REPS1: variants seen among roughly 807,000 people sequenced by gnomAD.
The protein encoded by REPS1 is RALBP1 associated Eps domain containing 1, also known as ralBP1-associated Eps domain-containing protein 1.
Under a neutral mutation model 100.9 loss-of-function variants are expected in REPS1, and 39 were observed. The ratio of observed to expected loss-of-function variants is 0.39; its 90% CI spans 0.30 to 0.50. The LOEUF is 0.50. Ranked by LOEUF, REPS1 falls within the 20% of genes least tolerant of loss-of-function variation. The probability of loss-of-function intolerance (pLI) is 0.86; values close to 1 mark genes in which losing one functional copy is unlikely to be tolerated. For synonymous variants in REPS1, 324 were observed against 340.3 expected, an observed-to-expected ratio of 0.95 and a Z score of 0.53; for missense variants, 821 against 968.5, an observed-to-expected ratio of 0.85 and a Z score of 2.02.
intron 15 of REPS1, among the ~76,000 whole-genome samples, chr6:138,913,291 C>T (rs1023377803): frequency 6.6e-6 from 1 of 152,180 alleles, no homozygotes; most frequent in East Asian, 1.9e-4. Flanking sequence ...TGGACTAATG[C>T]ACAATAGTTT....
At chr6:138,921,269 T>G (rs1780735409) in intron 10 of REPS1, 145 bp from the exon 11 acceptor site, 1 of 575,402 alleles carries the variant, frequency 1.7e-6, no homozygotes, top group Non-Finnish European at 3.0e-6. Context: ...CTTTGTAAGT[T>G]AAAAGCTCTA....
At chr6:138,918,713 T>C (rs1780566876) in intron 12 of REPS1, among the ~76,000 whole-genome samples, 2 of 152,222 alleles carry the variant, frequency 1.3e-5, no homozygotes, top group South Asian at 4.1e-4. Flanking sequence ...GGGAATAAAA[T>C]GTGCTTATAC....
At chr6:138,986,319 C>T (rs1317685498) in intron 1 of REPS1, among the ~76,000 whole-genome samples, 4 of 152,190 alleles carry the variant, frequency 2.6e-5, no homozygotes, top group Non-Finnish European at 4.4e-5. Context: ...AAACACAAGA[C>T]CATTTAAAAA....
chr6:138,924,830 T>C (rs979710942), intron 10 of REPS1, among the ~76,000 whole-genome samples: 2 of 152,194 alleles, frequency 1.3e-5, no homozygotes, highest in Non-Finnish European at 2.9e-5. Context: ...TTTTCAATCA[T>C]TGCCTTGTAT....
At chr6:138,911,450 G>T in intron 16 of REPS1, 79 bp from the exon 17 acceptor site, 1 of 929,886 alleles carries the variant, frequency 1.1e-6, no homozygotes, top group Non-Finnish European at 1.7e-6. Flanking sequence ...TACCAAATCA[G>T]AATAAAATGT....
intron 1 of REPS1, among the ~76,000 whole-genome samples, chr6:138,986,868 G>A (rs143180530): frequency 5.3e-5 from 8 of 152,158 alleles, no homozygotes; most frequent in African/African-American, 1.9e-4. Flanking sequence ...CCTACCAGCT[G>A]TTCAATACTC....
chr6:138,946,889 T>C (rs1287034762), intron 2 of REPS1, among the ~76,000 whole-genome samples: 1 of 152,238 alleles, frequency 6.6e-6, no homozygotes, highest in Non-Finnish European at 1.5e-5. Flanking sequence ...TTTGACTCTG[T>C]GTTCCCACCC....
At chr6:138,947,942 G>T in intron 1 of REPS1, 29 bp from the exon 2 acceptor site, 4 of 1,540,078 alleles carry the variant, frequency 2.6e-6, no homozygotes, top group Non-Finnish European at 3.5e-6. Flanking sequence ...TTAACATTAA[G>T]ATTCACAACA....
At chr6:138,935,831 G>A (rs1321804609) in intron 8 of REPS1, among the ~76,000 whole-genome samples, 2 of 118,048 alleles carry the variant, frequency 1.7e-5, no homozygotes, top group Non-Finnish European at 3.3e-5. Flanking sequence ...TCCAGCCTGG[G>A]CAACAGAGCA....
intron 1 of REPS1, among the ~76,000 whole-genome samples, chr6:138,961,460 C>G (rs1020780480): frequency 6.6e-6 from 1 of 151,994 alleles, no homozygotes; most frequent in African/African-American, 2.4e-5. Context: ...CTCTTGACCT[C>G]GTGATCCACC....
intron 8 of REPS1, among the ~76,000 whole-genome samples, chr6:138,935,252 A>G (rs1339144639): frequency 6.6e-6 from 1 of 152,242 alleles, no homozygotes; most frequent in African/African-American, 2.4e-5. Flanking sequence ...TGTGTCCAAC[A>G]AGATTTGAAA....
In REPS1 at chr6:138,904,879, G is replaced by C; in HGVS notation, c.*185C>G. On this transcript the variant is annotated 3_prime_UTR_variant, in exon 20 of 20. Transcript: ENST00000450536. ...TCTACCCTCCAGAAAACGCCATCCT[G>C]ACCTTTTTATTGTCGAAATTAAAAA... is the stretch of plus-strand genomic sequence containing the variant. 1 of 501,724 alleles carries C rather than the reference G, an allele frequency of 2.0e-6. No homozygotes were observed. Among genetic ancestry groups the C allele is most frequent in the Non-Finnish European group, 3.6e-6 (1 of 277,546 alleles). 31.1% of individuals were successfully genotyped at this position (501,724 alleles called of 1,614,324 possible).
At chr6:138,969,647 A>G (rs1784223156) in intron 1 of REPS1, among the ~76,000 whole-genome samples, 1 of 152,006 alleles carries the variant, frequency 6.6e-6, no homozygotes, top group Non-Finnish European at 1.5e-5. Context: ...TTGCCATCGC[A>G]TGAAACTGAA....
At chr6:138,978,672 T>C (rs773357065) in intron 1 of REPS1, among the ~76,000 whole-genome samples, 2 of 152,172 alleles carry the variant, frequency 1.3e-5, no homozygotes, top group African/African-American at 4.8e-5. Context: ...TTCCCAAGTA[T>C]GTTAGGCCTC....
chr6:138,987,565 G>T lies in REPS1; in HGVS notation c.118C>A (p.Arg40=). ...ACGTCGTTCGGCAGCTGCGCGGCCCGGAACAGCTCCAGCACCCGCCCGTTG... is the reference window on the plus strand; with the variant it reads ...ACGTCGTTCGGCAGCTGCGCGGCCCTGAACAGCTCCAGCACCCGCCCGTTG... ...VVNGRVLELF[R]AAQLPNDVVL... is the part of the protein sequence containing the mutation. Residue 40 remains arginine (R), a synonymous_variant, in exon 1 of 20, where the codon CGG becomes AGG. Transcript: ENST00000450536. 3 of 1,550,498 alleles carry T rather than the reference G, an allele frequency of 1.9e-6. No homozygotes were observed. Among genetic ancestry groups the T allele is most frequent in the Non-Finnish European group, 2.6e-6 (3 of 1,146,524 alleles).
intron 10 of REPS1, among the ~76,000 whole-genome samples, chr6:138,921,557 T>TAGG (rs1780759933): frequency 2.8e-5 from 4 of 143,020 alleles, no homozygotes; most frequent in Admixed American, 2.2e-4. Flanking sequence ...GATGCTTAGG[T>TAGG]AGGAGGATCC....
intron 17 of REPS1, among the ~76,000 whole-genome samples, chr6:138,909,479 G>A (rs1779869773): frequency 6.6e-6 from 1 of 152,044 alleles, no homozygotes; most frequent in Non-Finnish European, 1.5e-5. Flanking sequence ...CAAAAATAAA[G>A]TTCATTACTT....
intron 17 of REPS1, among the ~76,000 whole-genome samples, chr6:138,910,461 C>T (rs1019061790): frequency 2.6e-4 from 40 of 151,982 alleles, no homozygotes; most frequent in African/African-American, 8.2e-4. Context: ...TCAAGCGATC[C>T]CCCCACTTCA....
chr6:138,910,527 T>C (rs926145408), intron 17 of REPS1, among the ~76,000 whole-genome samples: 2 of 152,140 alleles, frequency 1.3e-5, no homozygotes, highest in Non-Finnish European at 2.9e-5. Flanking sequence ...CTAATATTTG[T>C]ACTTTTTGTA....
Sources: gnomAD v4.1 joint callset for allele counts (sites outside exome capture counted in the v4.1 genomes callset) on GRCh38, gnomAD v4.1.1 for gene constraint, MANE v1.5 for transcripts, NCBI Gene and HGNC (gene_info 2026-07-23, HGNC 2026-07-21) for gene names.